DACH2: variants seen among roughly 807,000 people sequenced by gnomAD.
DACH2 encodes the protein dachshund family transcription factor 2.
DACH2 carries 17 observed loss-of-function variants against 35.8 expected under a neutral mutation model. That is an observed-to-expected ratio of 0.48 (90% CI 0.33 to 0.71). The LOEUF (loss-of-function observed/expected upper bound fraction) is 0.71. DACH2 is among the 30% of genes least tolerant of loss of function. The probability of loss-of-function intolerance (pLI) is 0.02; values close to 1 mark genes in which losing one functional copy is unlikely to be tolerated. For missense variants in DACH2, 469 were observed against 472.7 expected (o/e 0.99, Z 0.07); for synonymous variants, 195 against 177.3 (o/e 1.10, Z -0.79).
chrX:86,758,950 T>G (rs1284076401), intron 7 of DACH2, among the ~76,000 whole-genome samples: 1 of 112,188 alleles, frequency 8.9e-6, no homozygotes, highest in Non-Finnish European at 1.9e-5. Context: ...TTTTTAAATG[T>G]ACAATTAATT....
intron 2 of DACH2, among the ~76,000 whole-genome samples, chrX:86,405,285 C>T (rs2036508472): frequency 8.9e-6 from 1 of 111,931 alleles, no homozygotes; most frequent in African/African-American, 3.3e-5. Flanking sequence ...TGCAAATTTT[C>T]CAAACTTTTA....
At chrX:86,287,735 T>G (rs907041661) in intron 1 of DACH2, among the ~76,000 whole-genome samples, 1 of 112,275 alleles carries the variant, frequency 8.9e-6, no homozygotes, top group Non-Finnish European at 1.9e-5. Context: ...CTGCTTATTT[T>G]TGATTATTTC....
At chrX:86,315,840 C>CACACAGAGAGAGAG (rs1556024046) in intron 1 of DACH2, among the ~76,000 whole-genome samples, 1 of 77,866 alleles carries the variant, frequency 1.3e-5, no homozygotes, top group East Asian at 4.5e-4. Flanking sequence ...CACACACACA[C>CACACAGAGAGAGAG]AGAGAGAGAG....
rs752290334 is a variant in DACH2 at position 86,175,792 on chromosome X, G to A, written c.488+26684G>A. ...ATTCTAGTTGATACAGTATTGGGTCGCTGTGGAAGTCCTCTTCTAATTGTT... is the reference window on the plus strand; with the variant it reads ...ATTCTAGTTGATACAGTATTGGGTCACTGTGGAAGTCCTCTTCTAATTGTT... On this transcript the variant is annotated intron_variant, in intron 1 of 11. Transcript: ENST00000373125. 4.5e-5 allele frequency among the ~76,000 whole-genome samples: 5 copies of A among 111,190 alleles called. No individual in the cohort carries two copies. In the East Asian group the frequency reaches 1.1e-3, roughly 25 times the overall value.
At chrX:86,236,108 G>A (rs1179437199) in intron 1 of DACH2, among the ~76,000 whole-genome samples, 1 of 101,708 alleles carries the variant, frequency 9.8e-6, no homozygotes, top group East Asian at 3.2e-4. Context: ...CTCCAGCCTG[G>A]GTGACAGAGC....
At chrX:86,738,028 TC>T (rs2041614676) in intron 6 of DACH2, among the ~76,000 whole-genome samples, 1 of 111,728 alleles carries the variant, frequency 9.0e-6, no homozygotes, top group Non-Finnish European at 1.9e-5. Flanking sequence ...CTGTGACAAT[TC>T]CTCTGCAGTC....
intron 6 of DACH2, among the ~76,000 whole-genome samples, chrX:86,737,607 C>G (rs12858329): frequency 0.33 from 36,108 of 110,362 alleles, 4,638 homozygotes; most frequent in Middle Eastern, 0.44. Flanking sequence ...TGGTTTAACA[C>G]AGTGCAAATT....
intron 7 of DACH2, among the ~76,000 whole-genome samples, chrX:86,792,914 G>A (rs1349549474): frequency 9.0e-6 from 1 of 111,357 alleles, no homozygotes; most frequent in African/African-American, 3.3e-5. Flanking sequence ...TGGATCATAT[G>A]GTAGTTCTAT....
chrX:86,403,260 G>T (rs1405589853), intron 2 of DACH2, among the ~76,000 whole-genome samples: 1 of 111,565 alleles, frequency 9.0e-6, no homozygotes, highest in African/African-American at 3.3e-5. Flanking sequence ...CTACAGAATG[G>T]GAGAAAGTAT....
intron 3 of DACH2, among the ~76,000 whole-genome samples, chrX:86,546,319 C>A (rs2038955450): frequency 1.2e-5 from 1 of 81,268 alleles, no homozygotes; most frequent in Non-Finnish European, 2.5e-5. Context: ...CCTCCTACCT[C>A]TTTCTTCTTC....
intron 2 of DACH2, among the ~76,000 whole-genome samples, chrX:86,426,007 G>T (rs750532607): frequency 9.0e-6 from 1 of 111,275 alleles, no homozygotes; most frequent in East Asian, 2.8e-4. Flanking sequence ...GGAAATGTTT[G>T]CATTACTGAA....
intron 7 of DACH2, among the ~76,000 whole-genome samples, chrX:86,749,035 G>T (rs183212349): frequency 2.0e-3 from 229 of 111,839 alleles, no homozygotes; most frequent in African/African-American, 7.0e-3. Flanking sequence ...CTTTTCTTCT[G>T]CAGCTTCTTA....
intron 5 of DACH2, among the ~76,000 whole-genome samples, chrX:86,699,610 A>G (rs1021741676): frequency 8.9e-6 from 1 of 111,771 alleles, no homozygotes; most frequent in Non-Finnish European, 1.9e-5. Flanking sequence ...AATTATGGGA[A>G]TACAATTCAA....
At chrX:86,369,892 A>G (rs1196729937) in intron 1 of DACH2, among the ~76,000 whole-genome samples, 2 of 111,514 alleles carry the variant, frequency 1.8e-5, no homozygotes, top group African/African-American at 6.5e-5. Flanking sequence ...ATAATTAATT[A>G]TGTTAATCAG....
chrX:86,596,376 C>A (rs2039712747), intron 3 of DACH2, among the ~76,000 whole-genome samples: 1 of 111,058 alleles, frequency 9.0e-6, no homozygotes, highest in South Asian at 3.8e-4. Flanking sequence ...TTCTCCACGT[C>A]TTTTCAAACG....
At chrX:86,454,318 G>A (rs73631947) in intron 2 of DACH2, among the ~76,000 whole-genome samples, 1,264 of 111,160 alleles carry the variant, frequency 0.011, 18 homozygotes, top group African/African-American at 0.039. Context: ...TTTAATGTTA[G>A]CCTTTCTTGC....
intron 2 of DACH2, among the ~76,000 whole-genome samples, chrX:86,403,584 G>A (rs751873762): frequency 1.8e-5 from 2 of 111,896 alleles, no homozygotes; most frequent in Non-Finnish European, 3.8e-5. Context: ...GAACACTTAT[G>A]CACTGTGGGA....
chrX:86,446,465 C>A (rs2037282053), intron 2 of DACH2, among the ~76,000 whole-genome samples: 1 of 55,037 alleles, frequency 1.8e-5, no homozygotes, highest in African/African-American at 7.3e-5. Flanking sequence ...CCATCACAGT[C>A]CCCAGAGTGT....
intron 1 of DACH2, among the ~76,000 whole-genome samples, chrX:86,365,320 G>A: frequency 1.2e-5 from 1 of 86,064 alleles, no homozygotes; most frequent in Non-Finnish European, 2.3e-5. Flanking sequence ...AGAGATAAAG[G>A]CGAAAAACTT....
Sources: gnomAD v4.1 joint callset for allele counts (sites outside exome capture counted in the v4.1 genomes callset) on GRCh38, gnomAD v4.1.1 for gene constraint, MANE v1.5 for transcripts, NCBI Gene and HGNC (gene_info 2026-07-23, HGNC 2026-07-21) for gene names.